The following CLYBL variants were observed in gnomAD, a reference collection of about 807,000 sequenced individuals.
The protein encoded by CLYBL is citramalyl-CoA lyase.
Under a neutral mutation model 38.9 loss-of-function variants are expected in CLYBL, and 31 were observed. The ratio of observed to expected loss-of-function variants is 0.80; its 90% confidence interval spans 0.60 to 1.08. CLYBL has a LOEUF of 1.08. Among genes scored for constraint, CLYBL ranks in the 50% least tolerant of loss-of-function variants. CLYBL has a pLI of 0.00. For synonymous variants in CLYBL, 171 were observed against 158.6 expected, an observed-to-expected ratio of 1.08 and a Z score of -0.59; for missense variants, 434 against 411.6, an observed-to-expected ratio of 1.05 and a Z score of -0.47.
chr13:99,853,554 C>T (rs546866667), intron 2 of CLYBL, among the ~76,000 whole-genome samples: 74 of 152,178 alleles, frequency 4.9e-4, no homozygotes, highest in African/African-American at 1.7e-3. Context: ...TTTTCTTTTT[C>T]ATGTGGAAAA....
At chr13:99,890,419 T>C (rs2152131536) in intron 7 of CLYBL, among the ~76,000 whole-genome samples, 1 of 152,308 alleles carries the variant, frequency 6.6e-6, no homozygotes, top group South Asian at 2.1e-4. Flanking sequence ...CCTTCCCATC[T>C]TAACATTCAA....
chr13:99,645,200 A>G (rs2047159280), intron 1 of CLYBL, among the ~76,000 whole-genome samples: 1 of 152,154 alleles, frequency 6.6e-6, no homozygotes, highest in African/African-American at 2.4e-5. Flanking sequence ...TATCTTTTAG[A>G]TAAAAGTCAT....
At chr13:99,839,094 A>C (rs1181510852) in intron 2 of CLYBL, among the ~76,000 whole-genome samples, 1 of 152,220 alleles carries the variant, frequency 6.6e-6, no homozygotes, top group Non-Finnish European at 1.5e-5. Context: ...ATCAATCTCC[A>C]TGTGAGTCAA....
chr13:99,637,248 G>T (rs2047031314), intron 1 of CLYBL, among the ~76,000 whole-genome samples: 1 of 152,300 alleles, frequency 6.6e-6, no homozygotes, highest in Non-Finnish European at 1.5e-5. Context: ...ACCCAAAGAT[G>T]AAAGTGCTAA....
At chr13:99,713,512 G>C (rs979135736) in intron 1 of CLYBL, among the ~76,000 whole-genome samples, 3 of 150,884 alleles carry the variant, frequency 2.0e-5, no homozygotes, top group Middle Eastern at 6.8e-3. Context: ...GCTAATTTTT[G>C]TATTTCTAGT....
At chr13:99,894,103 T>C, downstream of CLYBL, 1 of 152,278 alleles carries the variant, frequency 6.6e-6, no homozygotes, top group Non-Finnish European at 1.5e-5. Flanking sequence ...TCAGTCCTGA[T>C]CAGAAACCCA....
At chr13:99,766,978 CCT>C (rs1248117472) in intron 1 of CLYBL, among the ~76,000 whole-genome samples, 1 of 152,204 alleles carries the variant, frequency 6.6e-6, no homozygotes, top group Non-Finnish European at 1.5e-5. Context: ...CCCTGCTTTG[CCT>C]CTGTCTGTCC....
chr13:99,905,839 C>G (rs1044412404), intron 9 of CLYBL, among the ~76,000 whole-genome samples: 2 of 151,752 alleles, frequency 1.3e-5, no homozygotes, highest in African/African-American at 4.8e-5. Flanking sequence ...GATCTCGGCT[C>G]ACTGCAGCCT....
At chr13:99,861,524 ATATTT>A (rs1291751528) in intron 3 of CLYBL, among the ~76,000 whole-genome samples, 1 of 152,186 alleles carries the variant, frequency 6.6e-6, no homozygotes, top group Non-Finnish European at 1.5e-5. Context: ...GAAATAAATT[ATATTT>A]TATTTTCATC....
At chr13:99,783,031 GT>G (rs899231318) in intron 2 of CLYBL, among the ~76,000 whole-genome samples, 1 of 150,830 alleles carries the variant, frequency 6.6e-6, no homozygotes. Flanking sequence ...GAGGTTTTTT[GT>G]TTTTTGGTTT....
intron 1 of CLYBL, among the ~76,000 whole-genome samples, chr13:99,614,230 C>G (rs2046672824): frequency 6.6e-6 from 1 of 152,114 alleles, no homozygotes; most frequent in Non-Finnish European, 1.5e-5. Context: ...GGTTCAAGAA[C>G]TGGAGCAAGA....
chr13:99,650,474 A>C (rs1215135596), intron 1 of CLYBL, among the ~76,000 whole-genome samples: 1 of 152,218 alleles, frequency 6.6e-6, no homozygotes, highest in African/African-American at 2.4e-5. Flanking sequence ...TAGAAACCTC[A>C]GTTGCCCATC....
At chr13:99,640,876 C>T (rs986424174) in intron 1 of CLYBL, among the ~76,000 whole-genome samples, 2 of 152,138 alleles carry the variant, frequency 1.3e-5, no homozygotes, top group Admixed American at 6.5e-5. Flanking sequence ...TGGATATATA[C>T]GAATATATGG....
intron 1 of CLYBL, among the ~76,000 whole-genome samples, chr13:99,633,266 G>A (rs1038357432): frequency 6.7e-6 from 1 of 150,226 alleles, no homozygotes; most frequent in African/African-American, 2.5e-5. Flanking sequence ...AAGGCCAGGT[G>A]TGGTAGCTAA....
intron 2 of CLYBL, among the ~76,000 whole-genome samples, chr13:99,794,596 A>ATTATTATTATTATTATTATTC (rs2049985614): frequency 6.7e-6 from 1 of 149,050 alleles, no homozygotes; most frequent in Non-Finnish European, 1.5e-5. Context: ...TATTATTATT[A>ATTATTATTATTATTATTATTC]TTATTATTAT....
At chr13:99,615,083 G>T (rs1490062918) in intron 1 of CLYBL, among the ~76,000 whole-genome samples, 1 of 152,224 alleles carries the variant, frequency 6.6e-6, no homozygotes, top group Non-Finnish European at 1.5e-5. Context: ...AAGCCTCAAA[G>T]GTGAGGACAT....
chr13:99,884,642 A>G (rs1392963397), intron 7 of CLYBL, among the ~76,000 whole-genome samples: 1 of 152,200 alleles, frequency 6.6e-6, no homozygotes, highest in Non-Finnish European at 1.5e-5. Context: ...GTCAGGGACC[A>G]CATCTGCCTT....
At chr13:99,642,493 C>T (rs1478602757) in intron 1 of CLYBL, among the ~76,000 whole-genome samples, 1 of 152,110 alleles carries the variant, frequency 6.6e-6, no homozygotes, top group Admixed American at 6.5e-5. Flanking sequence ...CAGCTCACTG[C>T]AGGTCACAGC....
chr13:99,814,500 A>G (rs530642077), intron 2 of CLYBL, among the ~76,000 whole-genome samples: 3 of 152,370 alleles, frequency 2.0e-5, no homozygotes, highest in Non-Finnish European at 4.4e-5. Context: ...AGGCAAGAGG[A>G]TCGCTTGAGC....
Sources: allele counts gnomAD v4.1 joint callset (sites outside exome capture counted in the v4.1 genomes callset), GRCh38; gene constraint gnomAD v4.1.1; transcripts MANE v1.5; gene names NCBI Gene and HGNC (gene_info 2026-07-23, HGNC 2026-07-21).